CORIN: variants seen among roughly 807,000 people sequenced by gnomAD.
The protein encoded by CORIN is corin, serine peptidase.
A neutral mutation model predicts 125.3 loss-of-function variants in CORIN; 117 were observed. The observed-to-expected ratio is 0.93, with a 90% confidence interval of 0.80 to 1.09. The LOEUF (loss-of-function observed/expected upper bound fraction) is 1.09, where lower values mean the gene tolerates loss of function less well. Among genes scored for constraint, CORIN ranks in the 50% least tolerant of loss-of-function variants. The pLI is 0.00. For synonymous variants in CORIN, 450 were observed against 466.4 expected, an observed-to-expected ratio of 0.96 and a Z score of 0.45; for missense variants, 1,253 against 1,306.7, an observed-to-expected ratio of 0.96 and a Z score of 0.63.
At chr4:47,661,179 G>A (rs1328330558) in intron 12 of CORIN, among the ~76,000 whole-genome samples, 1 of 152,164 alleles carries the variant, frequency 6.6e-6, no homozygotes, top group African/African-American at 2.4e-5. Flanking sequence ...GCCAGTGTCT[G>A]CGAAGGGTAG....
At chr4:47,823,450 G>A (rs1732608385) in intron 1 of CORIN, among the ~76,000 whole-genome samples, 1 of 152,160 alleles carries the variant, frequency 6.6e-6, no homozygotes, top group Admixed American at 6.5e-5. Flanking sequence ...TGCATATGAT[G>A]TGCTCATTGT....
At chr4:47,624,500 T>C (rs972486359) in intron 17 of CORIN, among the ~76,000 whole-genome samples, 3 of 152,182 alleles carry the variant, frequency 2.0e-5, no homozygotes, top group Admixed American at 6.5e-5. Context: ...AAAGGAGTCT[T>C]ACCAAGACTC....
intron 2 of CORIN, among the ~76,000 whole-genome samples, chr4:47,798,176 C>A (rs1013437582): frequency 2.0e-5 from 3 of 152,126 alleles, no homozygotes; most frequent in Non-Finnish European, 4.4e-5. Flanking sequence ...CTACTGCTTT[C>A]TTCTATAGCC....
At chr4:47,634,358 C>T (rs535660523) in intron 16 of CORIN, among the ~76,000 whole-genome samples, 2 of 152,224 alleles carry the variant, frequency 1.3e-5, no homozygotes, top group East Asian at 3.9e-4. Context: ...AATCTTGGGC[C>T]GGGTGTGGCT....
chr4:47,798,589 A>AT (rs1731396127), intron 2 of CORIN, among the ~76,000 whole-genome samples: 1 of 152,220 alleles, frequency 6.6e-6, no homozygotes, highest in Admixed American at 6.5e-5. Context: ...CATCTCAGTT[A>AT]CAAAATAAGG....
At chr4:47,611,843 T>C (rs533381682) in intron 19 of CORIN, among the ~76,000 whole-genome samples, 1 of 152,364 alleles carries the variant, frequency 6.6e-6, no homozygotes, top group South Asian at 2.1e-4. Flanking sequence ...GTGTGTCTAT[T>C]GAGATAATCA....
At position 47,693,028 on chromosome 4, in the gene CORIN, C is replaced by G; in HGVS notation, c.855G>C (p.Gly285=). 1 of 1,613,918 alleles carries G rather than the reference C, an allele frequency of 6.2e-7. No homozygotes were observed. Among genetic ancestry groups the G allele is most frequent in the Non-Finnish European group, 8.5e-7 (1 of 1,179,884 alleles). The part of the protein sequence containing the change: ...FLCASGICIP[G]KLQCNGYNDC... ...CGTTGTAGCCATTACATTGCAGTTT[C>G]CCGGGGATGCAGATTCCACTGGCAC... Residue 285 remains glycine (G), a synonymous_variant, in exon 6 of 22, where the codon GGG becomes GGC. Transcript: ENST00000273857.
intron 4 of CORIN, among the ~76,000 whole-genome samples, chr4:47,754,393 GA>G (rs1168391899): frequency 6.6e-6 from 1 of 152,108 alleles, no homozygotes; most frequent in East Asian, 1.9e-4. Context: ...ATAAATTCAG[GA>G]AAGTAAGCAG....
intron 19 of CORIN, among the ~76,000 whole-genome samples, chr4:47,622,467 C>T (rs2109551986): frequency 6.7e-6 from 1 of 150,248 alleles, no homozygotes; most frequent in East Asian, 2.0e-4. Context: ...GTCCCACCAA[C>T]AGTGTAAAAG....
chr4:47,787,319 C>T (rs1341127608), intron 2 of CORIN, among the ~76,000 whole-genome samples: 33 of 152,084 alleles, frequency 2.2e-4, no homozygotes, highest in Non-Finnish European at 8.8e-5. Context: ...TTAATCTCAC[C>T]GGTCATTGTT....
intron 19 of CORIN, among the ~76,000 whole-genome samples, chr4:47,608,640 C>G (rs1025893930): frequency 1.3e-5 from 2 of 152,168 alleles, no homozygotes; most frequent in African/African-American, 4.8e-5. Context: ...ATTTGCTTCA[C>G]GTTTACACTA....
chr4:47,789,822 C>A (rs570774909), intron 2 of CORIN, among the ~76,000 whole-genome samples: 1 of 151,926 alleles, frequency 6.6e-6, no homozygotes, highest in Non-Finnish European at 1.5e-5. Context: ...AAATAGAGAC[C>A]GTCCTGGCTA....
intron 9 of CORIN, among the ~76,000 whole-genome samples, chr4:47,675,031 T>C (rs1182760435): frequency 6.6e-6 from 1 of 152,202 alleles, no homozygotes; most frequent in Non-Finnish European, 1.5e-5. Context: ...ATATTTTCAA[T>C]ATGTCCTTGG....
chr4:47,668,991 A>G (rs1247497124), intron 10 of CORIN, among the ~76,000 whole-genome samples: 1 of 152,218 alleles, frequency 6.6e-6, no homozygotes, highest in Non-Finnish European at 1.5e-5. Context: ...CTTAAGCATT[A>G]GGCTCATGTG....
At chr4:47,788,421 A>T (rs1730917398) in intron 2 of CORIN, among the ~76,000 whole-genome samples, 1 of 152,198 alleles carries the variant, frequency 6.6e-6, no homozygotes, top group African/African-American at 2.4e-5. Flanking sequence ...TGAAGCATAA[A>T]AGCTAAATCA....
intron 21 of CORIN, 48 bp from the exon 22 acceptor site, chr4:47,595,951 A>C (rs765973814): frequency 6.8e-7 from 1 of 1,480,898 alleles, no homozygotes; most frequent in Non-Finnish European, 9.2e-7. Context: ...TCAGGGCAGT[A>C]ATGTGTGTCC....
intron 5 of CORIN, among the ~76,000 whole-genome samples, chr4:47,734,627 G>A (rs1728041079): frequency 6.6e-6 from 1 of 152,102 alleles, no homozygotes; most frequent in Non-Finnish European, 1.5e-5. Flanking sequence ...CTCCTTAAAG[G>A]TAGGAAGTAT....
chr4:47,721,332 C>T (rs1006913770), intron 5 of CORIN, among the ~76,000 whole-genome samples: 2 of 151,340 alleles, frequency 1.3e-5, no homozygotes, highest in Admixed American at 6.6e-5. Flanking sequence ...TGCAATGGTG[C>T]GATCTCAGCT....
intron 1 of CORIN, among the ~76,000 whole-genome samples, chr4:47,824,403 G>A (rs1732651902): frequency 6.6e-6 from 1 of 151,926 alleles, no homozygotes; most frequent in Admixed American, 6.6e-5. Flanking sequence ...ACTGACCAAG[G>A]CACACCCAGG....
Sources: allele counts gnomAD v4.1 joint callset (sites outside exome capture counted in the v4.1 genomes callset), GRCh38; gene constraint gnomAD v4.1.1; transcripts MANE v1.5; gene names NCBI Gene and HGNC (gene_info 2026-07-23, HGNC 2026-07-21).